The following ZFPM1 variants were observed in gnomAD, a reference collection of about 807,000 sequenced individuals.
The protein encoded by ZFPM1 is zinc finger protein ZFPM1.
In ZFPM1, 28 loss-of-function variants were observed where a neutral mutation model predicts 46.3. That is an observed-to-expected ratio of 0.60 (90% CI 0.45 to 0.83). The LOEUF is 0.83. Among genes scored for constraint, ZFPM1 ranks in the 40% least tolerant of loss-of-function variants. The probability of loss-of-function intolerance (pLI) is 0.00; values close to 1 mark genes in which losing one functional copy is unlikely to be tolerated. For synonymous variants in ZFPM1, 957 were observed against 675.9 expected, an observed-to-expected ratio of 1.42 and a Z score of -6.45; for missense variants, 1,878 against 1,432.4, an observed-to-expected ratio of 1.31 and a Z score of -5.02.
intron 1 of ZFPM1, among the ~76,000 whole-genome samples, chr16:88,478,960 G>T (rs555497534): frequency 5.3e-5 from 8 of 152,344 alleles, no homozygotes; most frequent in African/African-American, 1.7e-4. Context: ...TGGGTTGGAC[G>T]TGAAGGAGGC....
rs868809644 is a variant in ZFPM1, at chr16:88,488,429, G to T, written c.146-602G>T. On this transcript the variant is annotated intron_variant, in intron 2 of 9. Transcript: ENST00000319555. ...TCTGCCGCTTGGCGGGTCCAGCGAGGCTCCCTCGCGGTGGCTGGAGCTCAG... is the reference window on the plus strand; with the variant it reads ...TCTGCCGCTTGGCGGGTCCAGCGAGTCTCCCTCGCGGTGGCTGGAGCTCAG... 5.9e-5 allele frequency among the ~76,000 whole-genome samples: 9 copies of T among 152,374 alleles called. No individual in the cohort carries two copies. In the South Asian group the frequency reaches 1.7e-3, roughly 28 times the overall value.
intron 3 of ZFPM1, among the ~76,000 whole-genome samples, chr16:88,505,556 G>A (rs907351054): frequency 6.6e-5 from 10 of 152,158 alleles, no homozygotes; most frequent in African/African-American, 2.2e-4. Flanking sequence ...GGAGGAGGTG[G>A]GAGGGGCCGG....
intron 3 of ZFPM1, among the ~76,000 whole-genome samples, chr16:88,499,316 T>C (rs1910116977): frequency 6.6e-6 from 1 of 152,230 alleles, no homozygotes; most frequent in African/African-American, 2.4e-5. Flanking sequence ...GAGCACAAGC[T>C]ATGTGCCAGC....
rs370730078 is a variant in ZFPM1 at position 88,488,409 on chromosome 16, C to T, written c.146-622C>T. The stretch of plus-strand genomic sequence containing the variant: ...ACACAGCAGCGCAGGAGCTGTCTGC[C>T]GCTTGGCGGGTCCAGCGAGGCTCCC... On this transcript the variant is annotated intron_variant, in intron 2 of 9. Coordinates refer to ENST00000319555, the MANE Select transcript of ZFPM1 (RefSeq NM_153813.3). Among the ~76,000 whole-genome samples, 10 of 152,366 alleles carry T rather than the reference C, an allele frequency of 6.6e-5. No homozygotes were observed. The South Asian group carries it at 8.3e-4, about 13-fold the overall frequency.
intron 4 of ZFPM1, among the ~76,000 whole-genome samples, chr16:88,523,659 A>T (rs1040983815): frequency 6.6e-6 from 1 of 152,188 alleles, no homozygotes; most frequent in African/African-American, 2.4e-5. Flanking sequence ...ACTGGCAGGG[A>T]GGCCCTCACC....
intron 1 of ZFPM1, among the ~76,000 whole-genome samples, chr16:88,485,498 G>A (rs548839367): frequency 7.3e-4 from 111 of 151,174 alleles, no homozygotes; most frequent in Non-Finnish European, 1.0e-3. Context: ...GGAGTGCAGC[G>A]GTGCAATCGC....
chr16:88,534,774 C>A lies in ZFPM1; in HGVS notation c.2816C>A (p.Ala939Glu). 8.3e-7 allele frequency: 1 copy of A among 1,204,306 alleles called. No homozygotes were observed. The highest frequency in any genetic ancestry group is 3.3e-5 in the South Asian group (1 of 30,522). The allele number at this position is 1,204,306 out of a possible 1,614,324, so 74.6% of individuals were successfully genotyped here. ...GGCCCGCCCCCGTCCCCGGCCGCCG[C>A]GCCCGAGGCCGTGCCGCCCCCGCCG... Reference protein sequence around the residue: ...PPGPPPSPAAAPEAVPPPPAP... With the variant: ...PPGPPPSPAAEPEAVPPPPAP... Residue 939 changes from alanine to glutamate, a missense_variant, in exon 10 of 10, where the codon GCG becomes GAG. Ala to Glu is a moderately radical substitution (Grantham distance 107, BLOSUM62 -1). Coordinates refer to ENST00000319555, the MANE Select transcript of ZFPM1 (RefSeq NM_153813.3).
intron 3 of ZFPM1, among the ~76,000 whole-genome samples, chr16:88,510,526 A>C (rs1910897472): frequency 6.6e-6 from 1 of 152,256 alleles, no homozygotes; most frequent in Non-Finnish European, 1.5e-5. Context: ...ATTGAATCCC[A>C]GCACAGCGTG....
intron 3 of ZFPM1, among the ~76,000 whole-genome samples, chr16:88,504,615 C>T (rs570416719): frequency 1.8e-4 from 28 of 152,314 alleles, no homozygotes; most frequent in Non-Finnish European, 3.1e-4. Context: ...CGCTGGGCCC[C>T]GTGCACAGAC....
At chr16:88,485,861 C>T (rs1417461378) in intron 1 of ZFPM1, 78 bp from the exon 2 acceptor site, 1 of 1,408,450 alleles carries the variant, frequency 7.1e-7, no homozygotes, top group African/African-American at 1.4e-5. Context: ...CGGGGCTGTA[C>T]CTATGCCAGG....
intron 1 of ZFPM1, among the ~76,000 whole-genome samples, chr16:88,474,154 G>A (rs1452297899): frequency 6.6e-6 from 1 of 152,180 alleles, no homozygotes; most frequent in African/African-American, 2.4e-5. Context: ...CTATCAGCCG[G>A]GCTGGGCTTT....
intron 8 of ZFPM1, 38 bp from the exon 9 acceptor site, chr16:88,532,751 C>T (rs1912895579): frequency 6.2e-7 from 1 of 1,612,748 alleles, no homozygotes. Context: ...GTCCCGCCTC[C>T]CCGCCCTGGG....
At chr16:88,494,755 G>T (rs950867757) in intron 3 of ZFPM1, among the ~76,000 whole-genome samples, 2 of 152,066 alleles carry the variant, frequency 1.3e-5, no homozygotes, top group African/African-American at 2.4e-5. Context: ...CTCCAGTGAG[G>T]CAGCAGGAGG....
intron 3 of ZFPM1, among the ~76,000 whole-genome samples, chr16:88,490,911 C>T (rs542274189): frequency 8.5e-5 from 13 of 152,252 alleles, no homozygotes; most frequent in East Asian, 5.8e-4. Context: ...GGGTTCCAGG[C>T]GCCATGGTAG....
chr16:88,523,169 G>A lies in ZFPM1; in HGVS notation c.403-3645G>A, dbSNP rs563140201. ...TGCAGTGAGCCGAGATCATGCCATC[G>A]CACTCCAGGCTGGGGGACAAGAGTG... On this transcript the variant is annotated intron_variant, in intron 4 of 9. Transcript: ENST00000319555. 1.9e-3 allele frequency among the ~76,000 whole-genome samples: 283 copies of A among 148,204 alleles called. 1 individual carries two copies. Among genetic ancestry groups the A allele is most frequent in the African/African-American group, 6.6e-3 (264 of 40,114 alleles).
chr16:88,492,188 T>C (rs1909619964), intron 3 of ZFPM1, among the ~76,000 whole-genome samples: 1 of 149,612 alleles, frequency 6.7e-6, no homozygotes, highest in Non-Finnish European at 1.5e-5. Context: ...CCTCTCTTTC[T>C]CTCTCTCTCT....
intron 1 of ZFPM1, among the ~76,000 whole-genome samples, chr16:88,457,296 G>T (rs765590471): frequency 2.2e-4 from 33 of 152,248 alleles, no homozygotes; most frequent in Non-Finnish European, 3.5e-4. Flanking sequence ...GCTGTCAGAG[G>T]CCACCTTACC....
chr16:88,477,345 C>T (rs1210278136), intron 1 of ZFPM1, among the ~76,000 whole-genome samples: 3 of 152,256 alleles, frequency 2.0e-5, no homozygotes, highest in Non-Finnish European at 4.4e-5. Flanking sequence ...TGAAGAGAAG[C>T]AAGCACAGAT....
At chr16:88,490,706 G>T (rs944817420) in intron 3 of ZFPM1, among the ~76,000 whole-genome samples, 1 of 152,146 alleles carries the variant, frequency 6.6e-6, no homozygotes, top group Non-Finnish European at 1.5e-5. Context: ...CTGGGCAGCC[G>T]CAGCCAGGAG....
Sources: allele counts gnomAD v4.1 joint callset (sites outside exome capture counted in the v4.1 genomes callset), GRCh38; gene constraint gnomAD v4.1.1; transcripts MANE v1.5; gene names NCBI Gene and HGNC (gene_info 2026-07-23, HGNC 2026-07-21).